The following GASK1A variants were observed in gnomAD, a reference collection of about 807,000 sequenced individuals.
The protein encoded by GASK1A is golgi associated kinase 1A, also known as Golgi-associated kinase 1A.
GASK1A carries 40 observed loss-of-function variants against 41.2 expected under a neutral mutation model. The ratio of observed to expected loss-of-function variants is 0.97; its 90% CI spans 0.75 to 1.27. The LOEUF is 1.27. Ranked by LOEUF, GASK1A falls within the 50% of genes most tolerant of loss-of-function variation. The pLI is 0.00. For synonymous variants in GASK1A, 316 were observed against 307.1 expected (o/e 1.03, Z -0.30); for missense variants, 678 against 745.1 (o/e 0.91, Z 1.05).
At chr3:43,005,228 T>G (rs1299192065) in intron 1 of GASK1A, among the ~76,000 whole-genome samples, 1 of 152,192 alleles carries the variant, frequency 6.6e-6, no homozygotes, top group Non-Finnish European at 1.5e-5. Flanking sequence ...ATAAGGTAAC[T>G]TGTTCACAGG....
intron 1 of GASK1A, among the ~76,000 whole-genome samples, chr3:42,995,755 G>T (rs2089366013): frequency 6.6e-6 from 1 of 152,306 alleles, no homozygotes; most frequent in Admixed American, 6.5e-5. Flanking sequence ...CTTCTCTGAG[G>T]TTGCATCTTG....
chr3:43,053,840 A>T, intron 3 of GASK1A, 197 bp downstream of exon 3: 1 of 735,682 alleles, frequency 1.4e-6, no homozygotes, highest in Middle Eastern at 2.3e-4. Context: ...GAGCTTTAAG[A>T]ATGTGCCTGA....
At chr3:43,025,446 G>A (rs904710604) in intron 1 of GASK1A, among the ~76,000 whole-genome samples, 1 of 152,196 alleles carries the variant, frequency 6.6e-6, no homozygotes, top group Non-Finnish European at 1.5e-5. Flanking sequence ...GAATAAATTA[G>A]AAAGTGGAGA....
intron 1 of GASK1A, among the ~76,000 whole-genome samples, chr3:43,000,888 A>C (rs1303676084): frequency 1.3e-5 from 2 of 152,186 alleles, no homozygotes; most frequent in East Asian, 3.8e-4. Context: ...GTCTTTGAAA[A>C]TCTGGCCCTG....
intron 2 of GASK1A, among the ~76,000 whole-genome samples, chr3:43,042,141 A>T (rs2089640962): frequency 6.6e-6 from 1 of 152,078 alleles, no homozygotes; most frequent in African/African-American, 2.4e-5. Context: ...CTTTTGACTG[A>T]AAATAGGATG....
chr3:43,049,068 G>T (rs1559407978), intron 2 of GASK1A, among the ~76,000 whole-genome samples: 1 of 152,174 alleles, frequency 6.6e-6, no homozygotes, highest in South Asian at 2.1e-4. Context: ...ATGGTTAGGG[G>T]AGCTTGGACC....
At chr3:43,012,626 T>G in intron 1 of GASK1A, among the ~76,000 whole-genome samples, 1 of 130,182 alleles carries the variant, frequency 7.7e-6, no homozygotes. Context: ...GGAAGGGAAG[T>G]GGAAAGTCAC....
chr3:43,012,783 G>T (rs1239924725), intron 1 of GASK1A, among the ~76,000 whole-genome samples: 3 of 150,308 alleles, frequency 2.0e-5, no homozygotes, highest in Non-Finnish European at 4.4e-5. Flanking sequence ...AGGGCAGTGT[G>T]GAGCCACAGG....
chr3:42,980,286 A>G (rs1039830639), intron 1 of GASK1A, among the ~76,000 whole-genome samples: 1 of 152,054 alleles, frequency 6.6e-6, no homozygotes, highest in Non-Finnish European at 1.5e-5. Context: ...AACTTCACAG[A>G]CACTAACAGG....
intron 1 of GASK1A, among the ~76,000 whole-genome samples, chr3:42,996,956 T>C (rs928320255): frequency 3.3e-5 from 5 of 152,260 alleles, no homozygotes; most frequent in African/African-American, 7.2e-5. Flanking sequence ...TAGGTCACTC[T>C]GTCCCTGGAG....
intron 1 of GASK1A, among the ~76,000 whole-genome samples, chr3:43,000,772 A>G (rs2089404769): frequency 1.3e-5 from 2 of 152,244 alleles, no homozygotes; most frequent in Non-Finnish European, 1.5e-5. Context: ...CTGTACAGTC[A>G]TTCAACACAC....
At chr3:43,053,955 G>C in intron 3 of GASK1A, 1 of 425,270 alleles carries the variant, frequency 2.4e-6, no homozygotes, top group South Asian at 2.1e-5. Flanking sequence ...TTTGAGAATG[G>C]TGTGTCTAGT....
intron 1 of GASK1A, among the ~76,000 whole-genome samples, chr3:43,028,687 G>A (rs2089558948): frequency 6.6e-6 from 1 of 152,196 alleles, no homozygotes; most frequent in Non-Finnish European, 1.5e-5. Flanking sequence ...CTGGTAAGCA[G>A]GCGAGAGATT....
intron 1 of GASK1A, among the ~76,000 whole-genome samples, chr3:43,007,549 G>A (rs1278325688): frequency 6.6e-6 from 1 of 152,110 alleles, no homozygotes; most frequent in Non-Finnish European, 1.5e-5. Context: ...GGGCTCCCTT[G>A]GTGTAAATCA....
At chr3:42,998,252 A>G (rs993926880) in intron 1 of GASK1A, among the ~76,000 whole-genome samples, 6 of 152,108 alleles carry the variant, frequency 3.9e-5, no homozygotes, top group African/African-American at 7.2e-5. Context: ...CTTTTGTGGA[A>G]TATTCTGGGG....
intron 1 of GASK1A, among the ~76,000 whole-genome samples, chr3:43,001,862 C>T (rs1373593553): frequency 6.6e-6 from 1 of 152,132 alleles, no homozygotes; most frequent in Admixed American, 6.5e-5. Flanking sequence ...TCCCCTTCTC[C>T]TGCAGGCTCC....
intron 1 of GASK1A, among the ~76,000 whole-genome samples, chr3:43,004,774 CTACTCACAGATG>C (rs1262675323): frequency 2.0e-5 from 3 of 152,162 alleles, no homozygotes; most frequent in Non-Finnish European, 4.4e-5. Flanking sequence ...TACTTAAAAC[CTACTCACAGATG>C]TATTAGCTTC....
chr3:43,043,545 A>C (rs2089648198), intron 2 of GASK1A, among the ~76,000 whole-genome samples: 1 of 152,200 alleles, frequency 6.6e-6, no homozygotes, highest in African/African-American at 2.4e-5. Context: ...TGGGGACTGG[A>C]TCACATTACT....
chr3:43,001,170 G>T (rs751561719), intron 1 of GASK1A, among the ~76,000 whole-genome samples: 2 of 152,178 alleles, frequency 1.3e-5, no homozygotes, highest in African/African-American at 4.8e-5. Flanking sequence ...CACCTTGGCA[G>T]AACCCTGAGC....
Sources: gnomAD v4.1 joint callset for allele counts (sites outside exome capture counted in the v4.1 genomes callset) on GRCh38, gnomAD v4.1.1 for gene constraint, MANE v1.5 for transcripts, NCBI Gene and HGNC (gene_info 2026-07-23, HGNC 2026-07-21) for gene names.